Variants in PTCHD4 observed in about 807,000 individuals in gnomAD.
PTCHD4 encodes patched domain-containing protein 4.
PTCHD4 carries 33 observed loss-of-function variants against 58.1 expected under a neutral mutation model. The observed-to-expected ratio is 0.57, with a 90% confidence interval of 0.43 to 0.76. The LOEUF is 0.76. Ranked by LOEUF, PTCHD4 falls within the 30% of genes least tolerant of loss-of-function variation. The probability of loss-of-function intolerance (pLI) is 0.00; values close to 1 mark genes in which losing one functional copy is unlikely to be tolerated. For missense variants in PTCHD4, 1,058 were observed against 1,027.1 expected (o/e 1.03, Z -0.41); for synonymous variants, 478 against 409.6 (o/e 1.17, Z -2.02).
chr6:47,960,194 TA>T (rs1296969057), intron 4 of PTCHD4, among the ~76,000 whole-genome samples: 4 of 152,024 alleles, frequency 2.6e-5, no homozygotes, highest in African/African-American at 9.7e-5. Context: ...CGCACTTAAG[TA>T]ATAATAAAAC....
chr6:48,056,306 T>C (rs1764402606), intron 3 of PTCHD4, among the ~76,000 whole-genome samples: 1 of 152,216 alleles, frequency 6.6e-6, no homozygotes, highest in African/African-American at 2.4e-5. Context: ...AGTGCTATAG[T>C]ACAAATGTTA....
chr6:47,982,871 G>A (rs1767937354), intron 4 of PTCHD4, among the ~76,000 whole-genome samples: 1 of 152,134 alleles, frequency 6.6e-6, no homozygotes, highest in Non-Finnish European at 1.5e-5. Flanking sequence ...ATGAAGTAAT[G>A]AATTAACTTA....
chr6:48,068,220 T>G lies in PTCHD4; in HGVS notation c.417+10A>C. On this transcript the variant is annotated intron_variant, in intron 3 of 4. Coordinates refer to ENST00000339488, the MANE Select transcript of PTCHD4 (RefSeq NM_001384253.1). The surrounding 1 kb of genome is among the most constrained non-coding windows in gnomAD (Gnocchi z 4.2). ...TGGGAAAAAGTATAATTATAGCCCT[T>G]GTGGTTCACCTTCATTTCCAGCACG... 1 of 1,551,530 alleles carries G rather than the reference T, an allele frequency of 6.4e-7. No homozygotes were observed. The highest frequency in any genetic ancestry group is 1.2e-5 in the South Asian group (1 of 81,172).
In PTCHD4 at chr6:47,882,331, A is replaced by T. The variant is rs543184399; in HGVS notation, c.899-2395T>A. ...TGCTTTATGTAGTACAAAGGCCTGT[A>T]GGTGTAGGAAGATGATACTAAACCA... On this transcript the variant is annotated intron_variant, in intron 4 of 4. Transcript: ENST00000339488. Among the ~76,000 whole-genome samples the T allele has an allele frequency of 2.0e-5, 3 of 152,204 alleles. No individual in the cohort carries two copies. The South Asian group carries it at 6.2e-4, about 32-fold the overall frequency.
Position 47,879,245 on chromosome 6 carries a change from G to T in PTCHD4, c.1590C>A (p.Ser530Arg). Residue 530 changes from serine (S) to arginine (R), a missense_variant, in exon 5 of 5, where the codon AGC becomes AGA. Physicochemically the swap from Ser to Arg is moderately radical, Grantham distance 110 (BLOSUM62 -1). Coordinates refer to ENST00000339488, the MANE Select transcript of PTCHD4 (RefSeq NM_001384253.1). Reference sequence around the variant, plus strand: ...AGAGTCTTCTTAGGTCATCCTGGACGCTGCTGTTCCAGTACTCTAGGGGCT... The same window carrying T: ...AGAGTCTTCTTAGGTCATCCTGGACTCTGCTGTTCCAGTACTCTAGGGGCT... ...VYEPLEYWNS[S>R]VQDDLRRLCS... is the part of the protein sequence containing the mutation. 6.2e-7 allele frequency: 1 copy of T among 1,612,718 alleles called. No homozygotes were observed. Among genetic ancestry groups the T allele is most frequent in the Non-Finnish European group, 8.5e-7 (1 of 1,179,390 alleles).
At chr6:48,024,071 G>T (rs557749942) in intron 3 of PTCHD4, among the ~76,000 whole-genome samples, 1 of 152,094 alleles carries the variant, frequency 6.6e-6, no homozygotes, top group South Asian at 2.1e-4. Flanking sequence ...TATAAAATGG[G>T]ACTGTCTAGC....
intron 3 of PTCHD4, among the ~76,000 whole-genome samples, chr6:48,047,615 A>T: frequency 6.6e-6 from 1 of 151,810 alleles, no homozygotes; most frequent in East Asian, 1.9e-4. Context: ...TTGAGATCCT[A>T]ATCCCCAATG....
At position 47,974,267 on chromosome 6, in the gene PTCHD4, G is replaced by A. The variant is rs143231787; in HGVS notation, c.898+34367C>T. Among the ~76,000 whole-genome samples the A allele has an allele frequency of 4.5e-3, 682 of 152,206 alleles. 8 individuals carry two copies. The highest frequency in any genetic ancestry group is 0.01 in the African/African-American group (423 of 41,538). ...GCAGCAGGGAAATGGCTAACCTTTC[G>A]TATGTCCTTTGTCCCAGAGCCAAAC... On this transcript the variant is annotated intron_variant, in intron 4 of 4. Transcript: ENST00000339488.
At chr6:47,986,652 A>G (rs1768077501) in intron 4 of PTCHD4, among the ~76,000 whole-genome samples, 1 of 152,194 alleles carries the variant, frequency 6.6e-6, no homozygotes, top group Non-Finnish European at 1.5e-5. Context: ...CATTGAATCT[A>G]TTCTGCCTAG....
At chr6:47,903,122 C>A (rs1450679273) in intron 4 of PTCHD4, among the ~76,000 whole-genome samples, 2 of 152,154 alleles carry the variant, frequency 1.3e-5, no homozygotes, top group African/African-American at 4.8e-5. Context: ...CAAAATGCAA[C>A]TCTGAAGTAT....
chr6:47,890,737 T>C (rs150079981), intron 4 of PTCHD4, among the ~76,000 whole-genome samples: 5 of 152,156 alleles, frequency 3.3e-5, no homozygotes, highest in Non-Finnish European at 7.3e-5. Flanking sequence ...CCCGGAGCTC[T>C]CTTTTCAGCT....
intron 4 of PTCHD4, among the ~76,000 whole-genome samples, chr6:47,988,301 C>A (rs1233257844): frequency 6.6e-6 from 1 of 152,142 alleles, no homozygotes; most frequent in Non-Finnish European, 1.5e-5. Context: ...GAAGAGACAA[C>A]ACCATTCTAG....
intron 4 of PTCHD4, among the ~76,000 whole-genome samples, chr6:47,943,483 G>A (rs1766308676): frequency 6.6e-6 from 1 of 152,070 alleles, no homozygotes; most frequent in Non-Finnish European, 1.5e-5. Context: ...GCTGTGGGGA[G>A]GCAGTGAAGG....
intron 4 of PTCHD4, chr6:47,900,020 G>A (rs1358493608): frequency 6.6e-6 from 1 of 151,932 alleles, no homozygotes. Context: ...CACTTTTTAT[G>A]TTTCCATTCA....
In PTCHD4 at chr6:47,974,347, A is replaced by G. The variant is rs184723124; in HGVS notation, c.898+34287T>C. On this transcript the variant is annotated intron_variant, in intron 4 of 4. Transcript: ENST00000339488. ...ATTTTGTTCTATTACGGAGCCAAAT[A>G]CATTCATTGTAATTAAACATGGACT... Among the ~76,000 whole-genome samples the G allele has an allele frequency of 1.9e-3, 294 of 152,298 alleles. 1 individual carries two copies. The highest frequency in any genetic ancestry group is 6.8e-3 in the Middle Eastern group (2 of 294).
chr6:48,084,067 G>C (rs764082016), intron 1 of PTCHD4, among the ~76,000 whole-genome samples: 22 of 151,984 alleles, frequency 1.4e-4, no homozygotes, highest in Non-Finnish European at 2.5e-4. Flanking sequence ...TATGGGGTTC[G>C]AATTTAGCGT....
Position 48,021,454 on chromosome 6 carries a change from A to G in PTCHD4, c.418-12340T>C, listed in dbSNP as rs367730639. ...GAACTTGACTTCTGAATTGGCCCAC[A>G]TAAGGTTCTTTTTAATCTTTGCCTT... On this transcript the variant is annotated intron_variant, in intron 3 of 4. Transcript: ENST00000339488. Among the ~76,000 whole-genome samples the G allele has an allele frequency of 1.2e-3, 190 of 152,242 alleles. 4 individuals are homozygous for G. In the South Asian group the frequency reaches 0.038, roughly 30 times the overall value.
rs1536813 is a variant in PTCHD4 at position 47,868,164 on chromosome 6, C to T, written c.*10139G>A. ...GTCCCTTCTTCAACAGTTTTAGATC[C>T]GTTTTAAAATTTTTTCTCACTTTAC... is the stretch of plus-strand genomic sequence containing the variant. On this transcript the variant is annotated 3_prime_UTR_variant, in exon 5 of 5. Coordinates refer to ENST00000339488, the MANE Select transcript of PTCHD4 (RefSeq NM_001384253.1). Among the ~76,000 whole-genome samples, 100,933 of 151,372 alleles carry T rather than the reference C, an allele frequency of 0.67. 34,133 individuals are homozygous for T. The highest frequency in any genetic ancestry group is 0.78 in the East Asian group (3,995 of 5,110).
chr6:47,984,032 C>T (rs1767978703), intron 4 of PTCHD4, among the ~76,000 whole-genome samples: 1 of 152,058 alleles, frequency 6.6e-6, no homozygotes, highest in African/African-American at 2.4e-5. Context: ...TTGTGACAAA[C>T]ATCATCAATA....
Sources: allele counts gnomAD v4.1 joint callset (sites outside exome capture counted in the v4.1 genomes callset), GRCh38; gene constraint gnomAD v4.1.1; non-coding constraint Gnocchi (gnomAD v3.1); transcripts MANE v1.5; gene names NCBI Gene and HGNC (gene_info 2026-07-23, HGNC 2026-07-21).